Variants in UBE2R2 observed in about 807,000 individuals in gnomAD.
UBE2R2 encodes the protein ubiquitin conjugating enzyme E2 R2, also known as ubiquitin-conjugating enzyme E2 R2.
In UBE2R2, 1 loss-of-function variant was observed where a neutral mutation model predicts 27.8. That is an observed-to-expected ratio of 0.04 (90% CI 0.01 to 0.17). The LOEUF (loss-of-function observed/expected upper bound fraction) is 0.17. Among genes scored for constraint, UBE2R2 ranks in the 10% least tolerant of loss-of-function variants. UBE2R2 has a pLI of 1.00. For missense variants in UBE2R2, 100 were observed against 291.0 expected, an observed-to-expected ratio of 0.34 and a Z score of 4.78; for synonymous variants, 106 against 113.3, an observed-to-expected ratio of 0.94 and a Z score of 0.41.
intron 1 of UBE2R2, among the ~76,000 whole-genome samples, chr9:33,850,847 G>C (rs1428170179): frequency 6.6e-6 from 1 of 152,164 alleles, no homozygotes; most frequent in Non-Finnish European, 1.5e-5. Context: ...GAGAAAGTGA[G>C]TCTTTTGTTT....
chr9:33,844,240 T>G (rs1355457258), intron 1 of UBE2R2, among the ~76,000 whole-genome samples: 1 of 152,246 alleles, frequency 6.6e-6, no homozygotes, highest in African/African-American at 2.4e-5. Flanking sequence ...GTTTCACTCT[T>G]GTCGCCCAGG....
At chr9:33,910,106 G>A (rs1822451496) in intron 3 of UBE2R2, among the ~76,000 whole-genome samples, 1 of 152,080 alleles carries the variant, frequency 6.6e-6, no homozygotes, top group Admixed American at 6.6e-5. Flanking sequence ...AAAAAGCCTA[G>A]GAGTAATTTG....
At chr9:33,899,874 C>T (rs1270145750) in intron 2 of UBE2R2, among the ~76,000 whole-genome samples, 5 of 152,032 alleles carry the variant, frequency 3.3e-5, no homozygotes, top group African/African-American at 4.8e-5. Flanking sequence ...GGAGATTGGT[C>T]GAAATAAATA....
At chr9:33,823,308 G>A (rs979479001) in intron 1 of UBE2R2, among the ~76,000 whole-genome samples, 7 of 152,098 alleles carry the variant, frequency 4.6e-5, no homozygotes, top group Admixed American at 2.6e-4. Flanking sequence ...AAAGCACTGC[G>A]ATTATAGGTC....
intron 2 of UBE2R2, among the ~76,000 whole-genome samples, chr9:33,894,259 C>T (rs542505249): frequency 1.3e-5 from 2 of 151,820 alleles, no homozygotes; most frequent in Non-Finnish European, 2.9e-5. Context: ...TAGCAAGATC[C>T]CCATCTCTAT....
At chr9:33,845,291 G>A (rs1478195107) in intron 1 of UBE2R2, among the ~76,000 whole-genome samples, 1 of 150,360 alleles carries the variant, frequency 6.7e-6, no homozygotes, top group African/African-American at 2.4e-5. Flanking sequence ...CTGTCACCCA[G>A]GCTGGAGTTC....
At chr9:33,881,134 T>C (rs1190720287) in intron 1 of UBE2R2, among the ~76,000 whole-genome samples, 1 of 152,210 alleles carries the variant, frequency 6.6e-6, no homozygotes, top group Non-Finnish European at 1.5e-5. Flanking sequence ...ACAGTTAATA[T>C]TATGTCTTCT....
intron 1 of UBE2R2, among the ~76,000 whole-genome samples, chr9:33,839,621 A>G (rs556259794): frequency 2.0e-5 from 3 of 152,314 alleles, no homozygotes; most frequent in South Asian, 2.1e-4. Flanking sequence ...AAGGCATCGT[A>G]TATGAAGAAT....
chr9:33,893,254 C>T (rs1478065840), intron 2 of UBE2R2, among the ~76,000 whole-genome samples: 1 of 152,148 alleles, frequency 6.6e-6, no homozygotes, highest in Non-Finnish European at 1.5e-5. Flanking sequence ...CTGGCAACCA[C>T]TCATCTGCTG....
intron 1 of UBE2R2, among the ~76,000 whole-genome samples, chr9:33,880,688 T>G (rs570898796): frequency 5.9e-5 from 9 of 152,336 alleles, no homozygotes; most frequent in Non-Finnish European, 1.2e-4. Flanking sequence ...GATACTGATC[T>G]GGTACAACTC....
chr9:33,881,577 G>T (rs1029849094), intron 1 of UBE2R2, among the ~76,000 whole-genome samples: 3 of 152,036 alleles, frequency 2.0e-5, no homozygotes, highest in Non-Finnish European at 4.4e-5. Context: ...TGATTTCTCC[G>T]TCTTTCCTCA....
rs73490858 is a variant in UBE2R2 at position 33,898,965 on chromosome 9, A to G, written c.265-1209A>G. On this transcript the variant is annotated intron_variant, in intron 2 of 4. Coordinates refer to ENST00000263228, the MANE Select transcript of UBE2R2 (RefSeq NM_017811.4). ...TTAAGTTGTGTTAAGTTTATGAAGC[A>G]AAATATAATAGCCATAGTGGGAAGT... Among the ~76,000 whole-genome samples, 534 of 152,320 alleles carry G rather than the reference A, an allele frequency of 3.5e-3. 7 individuals carry two copies. Among genetic ancestry groups the G allele is most frequent in the African/African-American group, 0.012 (502 of 41,568 alleles).
intron 2 of UBE2R2, among the ~76,000 whole-genome samples, chr9:33,893,962 T>A (rs1015381391): frequency 6.6e-6 from 1 of 151,740 alleles, no homozygotes; most frequent in South Asian, 2.1e-4. Context: ...TCTTTTTTTT[T>A]AAACCCATTT....
intron 2 of UBE2R2, among the ~76,000 whole-genome samples, chr9:33,887,868 G>C (rs968683621): frequency 1.3e-5 from 2 of 152,132 alleles, no homozygotes; most frequent in African/African-American, 4.8e-5. Context: ...GTAGAGATGG[G>C]GTTTCACCAT....
intron 2 of UBE2R2, among the ~76,000 whole-genome samples, chr9:33,896,519 T>G (rs1414389893): frequency 6.6e-6 from 1 of 151,928 alleles, no homozygotes; most frequent in African/African-American, 2.4e-5. Flanking sequence ...CTCGGCTCAC[T>G]GCAACCTCCG....
At chr9:33,831,283 A>G (rs1419036040) in intron 1 of UBE2R2, among the ~76,000 whole-genome samples, 1 of 152,146 alleles carries the variant, frequency 6.6e-6, no homozygotes. Flanking sequence ...CTCTACAAAG[A>G]AAAAAGAAAC....
intron 1 of UBE2R2, among the ~76,000 whole-genome samples, chr9:33,825,156 G>C (rs1820286005): frequency 6.6e-6 from 1 of 151,570 alleles, no homozygotes; most frequent in Non-Finnish European, 1.5e-5. Context: ...GAGCTTTTAA[G>C]AATGATCGGC....
chr9:33,883,678 GC>G (rs1261489820), intron 1 of UBE2R2, among the ~76,000 whole-genome samples: 1 of 137,634 alleles, frequency 7.3e-6, no homozygotes, highest in Non-Finnish European at 1.5e-5. Flanking sequence ...TTGCACCACT[GC>G]CCTCCAGCCT....
chr9:33,844,205 C>CACAT (rs113825004), intron 1 of UBE2R2, among the ~76,000 whole-genome samples: 1 of 151,958 alleles, frequency 6.6e-6, no homozygotes, highest in African/African-American at 2.4e-5. Context: ...TCCACACACA[C>CACAT]ATATATATAA....
Sources: gnomAD v4.1 joint callset for allele counts (sites outside exome capture counted in the v4.1 genomes callset) on GRCh38, gnomAD v4.1.1 for gene constraint, MANE v1.5 for transcripts, NCBI Gene and HGNC (gene_info 2026-07-23, HGNC 2026-07-21) for gene names.